ALK: variants seen among roughly 807,000 people sequenced by gnomAD.
ALK encodes the protein ALK receptor tyrosine kinase.
Under a neutral mutation model 163.1 loss-of-function variants are expected in ALK, and 74 were observed. The observed-to-expected ratio is 0.45, with a 90% CI of 0.38 to 0.55. ALK has a LOEUF of 0.55. Ranked by LOEUF, ALK falls within the 20% of genes least tolerant of loss-of-function variation. The pLI, the probability that ALK is intolerant of heterozygous loss-of-function variation, is 0.00. For missense variants in ALK, 2,063 were observed against 2,105.3 expected, an observed-to-expected ratio of 0.98 and a Z score of 0.39; for synonymous variants, 960 against 843.2, an observed-to-expected ratio of 1.14 and a Z score of -2.40.
At chr2:29,636,869 C>T (rs190101345) in intron 3 of ALK, among the ~76,000 whole-genome samples, 40 of 152,170 alleles carry the variant, frequency 2.6e-4, no homozygotes, top group East Asian at 1.7e-3. Flanking sequence ...ATTAGGAAAA[C>T]GCAAATTACA....
chr2:29,748,371 C>G (rs1680260144), intron 1 of ALK, among the ~76,000 whole-genome samples: 1 of 152,146 alleles, frequency 6.6e-6, no homozygotes, highest in South Asian at 2.1e-4. Context: ...AGCAAGTGCT[C>G]TAAGCATATG....
At chr2:29,601,741 G>A (rs1049928181) in intron 3 of ALK, among the ~76,000 whole-genome samples, 3 of 152,144 alleles carry the variant, frequency 2.0e-5, no homozygotes, top group South Asian at 2.1e-4. Flanking sequence ...GAGTGATGCC[G>A]GGTTCAAGCA....
chr2:29,428,333 T>A (rs1217750461), intron 4 of ALK, among the ~76,000 whole-genome samples: 5 of 151,976 alleles, frequency 3.3e-5, no homozygotes, highest in African/African-American at 1.2e-4. Flanking sequence ...AAATTTGTTC[T>A]TTGCAAAAAT....
intron 1 of ALK, among the ~76,000 whole-genome samples, chr2:29,817,212 G>T (rs574358412): frequency 2.0e-5 from 3 of 151,996 alleles, no homozygotes; most frequent in African/African-American, 7.3e-5. Context: ...CACACTAAGC[G>T]GTGGGGTGTG....
At chr2:29,294,886 G>T (rs548820787) in intron 9 of ALK, among the ~76,000 whole-genome samples, 1 of 152,160 alleles carries the variant, frequency 6.6e-6, no homozygotes, top group Non-Finnish European at 1.5e-5. Flanking sequence ...GTTTCTTTGG[G>T]GCCAGTCACA....
rs576669754 is a variant in ALK at position 29,420,631 on chromosome 2, T to C, written c.1155-36772A>G. 1.7e-4 allele frequency among the ~76,000 whole-genome samples: 26 copies of C among 151,564 alleles called. 1 individual carries two copies. Among genetic ancestry groups the C allele is most frequent in the Admixed American group, 7.9e-4 (12 of 15,272 alleles). On this transcript the variant is annotated intron_variant, in intron 4 of 28. Transcript: ENST00000389048. ...GGCATATCTCCGAAGTCAATCATCA[T>C]GAATGAAGCCATTTAAGAGTGGGGC...
intron 5 of ALK, among the ~76,000 whole-genome samples, chr2:29,351,344 C>A (rs1467501005): frequency 1.3e-5 from 2 of 152,166 alleles, no homozygotes; most frequent in African/African-American, 4.8e-5. Context: ...AGCCTTTGTG[C>A]TTCACTTGGG....
chr2:29,689,920 C>G (rs1417814967), intron 3 of ALK, among the ~76,000 whole-genome samples: 1 of 152,170 alleles, frequency 6.6e-6, no homozygotes, highest in Non-Finnish European at 1.5e-5. Context: ...CCGGCAATGC[C>G]AGAAGCTGGA....
At chr2:29,383,321 C>CT (rs548212475) in intron 5 of ALK, among the ~76,000 whole-genome samples, 256 of 145,470 alleles carry the variant, frequency 1.8e-3, no homozygotes, top group East Asian at 1.4e-3. Context: ...ACACTCTAGA[C>CT]TTTTTTTTTT....
intron 9 of ALK, among the ~76,000 whole-genome samples, 161 bp from the exon 10 acceptor site, chr2:29,275,657 C>T (rs1665527504): frequency 6.6e-6 from 1 of 152,208 alleles, no homozygotes; most frequent in Non-Finnish European, 1.5e-5. Flanking sequence ...GTCAGCTCCC[C>T]CTACTTCTGC....
rs548771621 is a variant in ALK at position 29,839,273 on chromosome 2, T to C, written c.667+80720A>G. ...ATTTTCTTGCGTGTTCTAATCTCCC[T>C]TCAATAAACAAATATTATTTATATA... is the stretch of plus-strand genomic sequence containing the variant. On this transcript the variant is annotated intron_variant, in intron 1 of 28. Coordinates refer to ENST00000389048, the MANE Select transcript of ALK (RefSeq NM_004304.5). 1.5e-3 allele frequency among the ~76,000 whole-genome samples: 227 copies of C among 152,300 alleles called. 1 individual carries two copies. The highest frequency in any genetic ancestry group is 0.01 in the Middle Eastern group (3 of 294).
chr2:29,204,688 C>G (rs1209046168), intron 26 of ALK, among the ~76,000 whole-genome samples: 1 of 152,174 alleles, frequency 6.6e-6, no homozygotes, highest in Admixed American at 6.5e-5. Flanking sequence ...CTCCCAGGTT[C>G]AAGCATTTCT....
At chr2:29,437,384 T>C (rs4128318) in intron 4 of ALK, among the ~76,000 whole-genome samples, 40,898 of 152,072 alleles carry the variant, frequency 0.27, 6,812 homozygotes, top group Non-Finnish European at 0.37. Flanking sequence ...GACTCACAGG[T>C]AGGCCATGTG....
intron 3 of ALK, among the ~76,000 whole-genome samples, chr2:29,583,042 G>GTGTTTT (rs1553335218): frequency 7.0e-6 from 1 of 143,632 alleles, no homozygotes; most frequent in Non-Finnish European, 1.5e-5. Context: ...TTTGTTTTTT[G>GTGTTTT]TTTTTTTGTT....
intron 3 of ALK, among the ~76,000 whole-genome samples, chr2:29,683,528 T>C (rs1678139208): frequency 6.6e-6 from 1 of 152,198 alleles, no homozygotes; most frequent in Non-Finnish European, 1.5e-5. Context: ...CTATGCAGGT[T>C]AAAGGTCCTC....
At chr2:29,701,018 G>A (rs778679177) in intron 2 of ALK, among the ~76,000 whole-genome samples, 6 of 152,180 alleles carry the variant, frequency 3.9e-5, no homozygotes, top group Non-Finnish European at 7.3e-5. Context: ...CCTTCCAACC[G>A]GGGCCATGTA....
chr2:29,403,412 C>T (rs1307838941), intron 4 of ALK, among the ~76,000 whole-genome samples: 1 of 152,108 alleles, frequency 6.6e-6, no homozygotes, highest in Non-Finnish European at 1.5e-5. Context: ...CTGTTCCATT[C>T]CTCTACCCTA....
chr2:29,882,469 G>T (rs542831941), intron 1 of ALK, among the ~76,000 whole-genome samples: 1 of 152,156 alleles, frequency 6.6e-6, no homozygotes, highest in Admixed American at 6.5e-5. Context: ...GCTGAGGCAG[G>T]TGCATCACAA....
At chr2:29,565,338 T>C (rs1288877141) in intron 3 of ALK, among the ~76,000 whole-genome samples, 1 of 152,200 alleles carries the variant, frequency 6.6e-6, no homozygotes, top group Admixed American at 6.5e-5. Flanking sequence ...AGCTTCCTAC[T>C]GGTGAGCACG....
Sources: gnomAD v4.1 joint callset for allele counts (sites outside exome capture counted in the v4.1 genomes callset) on GRCh38, gnomAD v4.1.1 for gene constraint, MANE v1.5 for transcripts, NCBI Gene and HGNC (gene_info 2026-07-23, HGNC 2026-07-21) for gene names.